NRG3: variants seen among roughly 807,000 people sequenced by gnomAD.
NRG3 encodes neuregulin 3, also known as pro-neuregulin-3, membrane-bound isoform.
A neutral mutation model predicts 66.9 loss-of-function variants in NRG3; 31 were observed. That is an observed-to-expected ratio of 0.46 (90% CI 0.35 to 0.63). The LOEUF (loss-of-function observed/expected upper bound fraction) is 0.63. Ranked by LOEUF, NRG3 falls within the 20% of genes least tolerant of loss-of-function variation. The pLI is 0.00. For missense variants in NRG3, 910 were observed against 878.9 expected, an observed-to-expected ratio of 1.04 and a Z score of -0.45; for synonymous variants, 393 against 359.4, an observed-to-expected ratio of 1.09 and a Z score of -1.06.
intron 2 of NRG3, among the ~76,000 whole-genome samples, chr10:82,699,927 T>A (rs1459572613): frequency 6.6e-6 from 1 of 152,032 alleles, no homozygotes; most frequent in African/African-American, 2.4e-5. Context: ...TATGAGTGCA[T>A]AACTTGGTCT....
At chr10:81,918,524 T>A (rs1291593614) in intron 1 of NRG3, among the ~76,000 whole-genome samples, 3 of 152,212 alleles carry the variant, frequency 2.0e-5, no homozygotes, top group African/African-American at 4.8e-5. Context: ...GTTCTGGATT[T>A]TTCTATTTAT....
chr10:82,209,234 A>T (rs2075278402), intron 1 of NRG3, among the ~76,000 whole-genome samples: 2 of 152,228 alleles, frequency 1.3e-5, no homozygotes, highest in South Asian at 4.1e-4. Context: ...TGCTGCATAT[A>T]GCATGCTACT....
At chr10:82,174,271 T>G (rs531323942) in intron 1 of NRG3, among the ~76,000 whole-genome samples, 1 of 152,242 alleles carries the variant, frequency 6.6e-6, no homozygotes, top group East Asian at 1.9e-4. Flanking sequence ...AGGTTGAAAT[T>G]AACCATTCTC....
intron 4 of NRG3, among the ~76,000 whole-genome samples, chr10:82,874,465 T>C (rs993855296): frequency 3.3e-5 from 5 of 151,512 alleles, no homozygotes; most frequent in Non-Finnish European, 5.9e-5. Context: ...TTTCATTCAT[T>C]TGAATATATT....
intron 1 of NRG3, among the ~76,000 whole-genome samples, chr10:82,095,755 T>G (rs146243852): frequency 6.6e-6 from 1 of 152,182 alleles, no homozygotes; most frequent in East Asian, 1.9e-4. Flanking sequence ...CACTCTTCCC[T>G]CTCTGGGAAT....
intron 1 of NRG3, among the ~76,000 whole-genome samples, chr10:82,023,202 G>A (rs2062139942): frequency 6.6e-6 from 1 of 151,746 alleles, no homozygotes; most frequent in Non-Finnish European, 1.5e-5. Context: ...ATTTTTGCAT[G>A]TTGATTTTGC....
intron 8 of NRG3, among the ~76,000 whole-genome samples, chr10:82,981,137 G>A (rs1297707638): frequency 1.3e-5 from 2 of 152,136 alleles, no homozygotes; most frequent in Admixed American, 6.5e-5. Context: ...CCAGGCTCAA[G>A]CTTGAACAAT....
intron 1 of NRG3, among the ~76,000 whole-genome samples, chr10:82,351,593 A>G (rs943654970): frequency 9.2e-5 from 14 of 152,166 alleles, no homozygotes; most frequent in Non-Finnish European, 1.9e-4. Flanking sequence ...TTTAAGATCC[A>G]TCTACAAATG....
intron 2 of NRG3, among the ~76,000 whole-genome samples, chr10:82,678,998 G>A (rs964693048): frequency 3.3e-5 from 5 of 152,160 alleles, no homozygotes; most frequent in African/African-American, 1.2e-4. Flanking sequence ...AGACATTGTT[G>A]TTAGACCTGG....
chr10:82,731,001 A>G (rs1029674689), intron 2 of NRG3, among the ~76,000 whole-genome samples: 3 of 152,090 alleles, frequency 2.0e-5, no homozygotes, highest in African/African-American at 4.8e-5. Context: ...CTGAGAATCC[A>G]TCCTCTGTTT....
At chr10:82,006,911 T>C (rs2061394273) in intron 1 of NRG3, among the ~76,000 whole-genome samples, 1 of 152,220 alleles carries the variant, frequency 6.6e-6, no homozygotes, top group African/African-American at 2.4e-5. Context: ...CAGATACTGA[T>C]CTGTAACTTT....
Position 82,629,461 on chromosome 10 carries a change from G to A in NRG3, c.954-109116G>A, listed in dbSNP as rs1363685493. Among the ~76,000 whole-genome samples the A allele has an allele frequency of 2.6e-5, 4 of 152,312 alleles. No homozygotes were observed. In the East Asian group the frequency reaches 7.7e-4, roughly 29 times the overall value. ...GAACATGTGGATACCATTCTGGTCG[G>A]TAAGCAAGATGCAGAGTGCTGTAGG... On this transcript the variant is annotated intron_variant, in intron 2 of 8. Coordinates refer to ENST00000372141, the MANE Select transcript of NRG3 (RefSeq NM_001010848.4).
chr10:81,926,892 A>G (rs181458505), intron 1 of NRG3, among the ~76,000 whole-genome samples: 1 of 152,186 alleles, frequency 6.6e-6, no homozygotes, highest in African/African-American at 2.4e-5. Context: ...TATAAATGAG[A>G]TAATAATATT....
intron 1 of NRG3, among the ~76,000 whole-genome samples, chr10:82,065,634 A>G (rs1459554472): frequency 6.6e-6 from 1 of 152,198 alleles, no homozygotes; most frequent in Non-Finnish European, 1.5e-5. Context: ...GGTTATCAGT[A>G]GAGAGTACAT....
At chr10:81,878,118 GCT>G in intron 1 of NRG3, 1 of 1,502,778 alleles carries the variant, frequency 6.7e-7, no homozygotes, top group African/African-American at 1.4e-5. Flanking sequence ...ACCCCTCTAT[GCT>G]CTCTTCCTAC....
intron 6 of NRG3, among the ~76,000 whole-genome samples, chr10:82,966,740 C>CATATATTTTTAT (rs1851243924): frequency 6.6e-6 from 1 of 152,056 alleles, no homozygotes; most frequent in East Asian, 1.9e-4. Flanking sequence ...CTTATTTATT[C>CATATATTTTTAT]CATCATATAT....
At chr10:82,162,197 A>C (rs2132962037) in intron 1 of NRG3, among the ~76,000 whole-genome samples, 1 of 152,266 alleles carries the variant, frequency 6.6e-6, no homozygotes, top group Admixed American at 6.6e-5. Context: ...AGCTCAAGTG[A>C]ACACTAGTTT....
chr10:82,605,251 G>A (rs2047892828), intron 2 of NRG3, among the ~76,000 whole-genome samples: 1 of 151,846 alleles, frequency 6.6e-6, no homozygotes, highest in Admixed American at 6.6e-5. Context: ...ATCATGAAAT[G>A]GTATGATAAA....
intron 1 of NRG3, among the ~76,000 whole-genome samples, chr10:82,342,201 A>G (rs1398923518): frequency 6.6e-6 from 1 of 151,900 alleles, no homozygotes; most frequent in Non-Finnish European, 1.5e-5. Context: ...TATCTTTGCT[A>G]TTGTGAATAG....
Sources: allele counts gnomAD v4.1 joint callset (sites outside exome capture counted in the v4.1 genomes callset), GRCh38; gene constraint gnomAD v4.1.1; transcripts MANE v1.5; gene names NCBI Gene and HGNC (gene_info 2026-07-23, HGNC 2026-07-21).